NAV2: variants seen among roughly 807,000 people sequenced by gnomAD.
NAV2 encodes the protein helicase, APC down-regulated 1.
Under a neutral mutation model 223.2 loss-of-function variants are expected in NAV2, and 54 were observed. The observed-to-expected ratio is 0.24, with a 90% CI of 0.19 to 0.30. The LOEUF is 0.30. Among genes scored for constraint, NAV2 ranks in the 10% least tolerant of loss-of-function variants. The pLI is 1.00. For missense variants in NAV2, 2,806 were observed against 3,147.5 expected (o/e 0.89, Z 2.60); for synonymous variants, 1,279 against 1,239.3 (o/e 1.03, Z -0.67).
chr11:19,559,379 C>T (rs139094505), intron 1 of NAV2, among the ~76,000 whole-genome samples: 225 of 152,274 alleles, frequency 1.5e-3, no homozygotes, highest in African/African-American at 5.3e-3. Flanking sequence ...ATTTAACCCC[C>T]GAGCCTTGTT....
intron 11 of NAV2, among the ~76,000 whole-genome samples, chr11:20,011,865 C>T (rs1252538372): frequency 1.3e-5 from 2 of 152,242 alleles, no homozygotes; most frequent in African/African-American, 4.8e-5. Context: ...GGGTATTTCA[C>T]TTCTTTTGTT....
intron 2 of NAV2, among the ~76,000 whole-genome samples, chr11:19,838,433 C>G (rs907812208): frequency 1.3e-5 from 2 of 152,164 alleles, no homozygotes; most frequent in Middle Eastern, 3.4e-3. Context: ...GCATTCCCAG[C>G]AGAGAAAATA....
At chr11:19,577,359 C>T (rs1460144023) in intron 1 of NAV2, among the ~76,000 whole-genome samples, 3 of 152,238 alleles carry the variant, frequency 2.0e-5, no homozygotes, top group African/African-American at 7.2e-5. Context: ...CCTGTTGGCT[C>T]GTGCCCCTTC....
chr11:19,402,464 C>G (rs1432600453), intron 1 of NAV2, among the ~76,000 whole-genome samples: 2 of 152,156 alleles, frequency 1.3e-5, no homozygotes, highest in Non-Finnish European at 2.9e-5. Flanking sequence ...CTGCTATATG[C>G]TTTTGTAGCT....
chr11:19,593,267 G>A, intron 1 of NAV2, among the ~76,000 whole-genome samples: 1 of 152,060 alleles, frequency 6.6e-6, no homozygotes, highest in Non-Finnish European at 1.5e-5. Context: ...TTTAAGCTTG[G>A]CTTTTGTTTT....
chr11:19,622,384 G>A (rs1042922277), intron 1 of NAV2, among the ~76,000 whole-genome samples: 1 of 152,096 alleles, frequency 6.6e-6, no homozygotes, highest in Non-Finnish European at 1.5e-5. Context: ...TTATTGTGTG[G>A]GAGTCTAAGT....
rs190321471 is a variant in NAV2, at chr11:19,901,310, G to A, written c.931+8716G>A. ...GCCTGTAATCCCAGCACTTTGGGAG[G>A]CTGAGGCAGGAGGATTACTTGAGGT... On this transcript the variant is annotated intron_variant, in intron 6 of 37. Coordinates refer to ENST00000349880, the MANE Select transcript of NAV2 (RefSeq NM_145117.5). Among the ~76,000 whole-genome samples the A allele has an allele frequency of 4.9e-4, 74 of 152,350 alleles. 1 individual carries two copies. The East Asian group carries it at 8.1e-3, about 17-fold the overall frequency.
chr11:19,382,409 G>T (rs1044985301), intron 1 of NAV2, among the ~76,000 whole-genome samples: 1 of 152,174 alleles, frequency 6.6e-6, no homozygotes. Flanking sequence ...GTGCCGACTG[G>T]CAAACCTTGA....
At chr11:19,941,725 C>G (rs563563699) in intron 8 of NAV2, among the ~76,000 whole-genome samples, 27 of 152,098 alleles carry the variant, frequency 1.8e-4, no homozygotes, top group Non-Finnish European at 3.5e-4. Context: ...ACTGAGGACT[C>G]ATCTTTCAGC....
intron 1 of NAV2, among the ~76,000 whole-genome samples, chr11:19,556,645 C>T (rs756571688): frequency 6.6e-6 from 1 of 152,134 alleles, no homozygotes; most frequent in Non-Finnish European, 1.5e-5. Flanking sequence ...AATATATGTG[C>T]TTCTTTTTAA....
At chr11:19,982,976 A>G (rs1053952495) in intron 10 of NAV2, among the ~76,000 whole-genome samples, 4 of 152,204 alleles carry the variant, frequency 2.6e-5, no homozygotes, top group African/African-American at 9.6e-5. Flanking sequence ...CAGAAAAATA[A>G]TGACTCATTG....
At chr11:19,814,941 G>A (rs1233501757) in intron 1 of NAV2, among the ~76,000 whole-genome samples, 1 of 152,098 alleles carries the variant, frequency 6.6e-6, no homozygotes, top group Non-Finnish European at 1.5e-5. Context: ...AGGTGGCTTG[G>A]CAGGTGCTTA....
chr11:19,785,536 G>A (rs966679114), intron 1 of NAV2, among the ~76,000 whole-genome samples: 3 of 152,176 alleles, frequency 2.0e-5, no homozygotes, highest in African/African-American at 7.2e-5. Context: ...AGTATTGAAT[G>A]CCTCCTAGAC....
chr11:20,007,076 C>A (rs1383961804), intron 11 of NAV2, among the ~76,000 whole-genome samples: 3 of 152,132 alleles, frequency 2.0e-5, no homozygotes, highest in African/African-American at 7.2e-5. Flanking sequence ...CCCACCTCAG[C>A]CTCCAGAGTA....
chr11:19,818,002 T>TAGCCTCTTTGCACCCCACAGGC (rs150046907), intron 1 of NAV2, among the ~76,000 whole-genome samples: 3,539 of 152,066 alleles, frequency 0.023, 124 homozygotes, highest in African/African-American at 0.081. Context: ...CCCACCCAGA[T>TAGCCTCTTTGCACCCCACAGGC]AGCCTCTTTG....
intron 11 of NAV2, among the ~76,000 whole-genome samples, chr11:19,989,952 G>A (rs367544418): frequency 1.6e-4 from 24 of 152,232 alleles, no homozygotes; most frequent in African/African-American, 5.8e-4. Context: ...CTCTTCAAAT[G>A]AGCCCTTAGC....
At chr11:19,766,629 A>T (rs1336929250) in intron 1 of NAV2, among the ~76,000 whole-genome samples, 1 of 152,122 alleles carries the variant, frequency 6.6e-6, no homozygotes, top group African/African-American at 2.4e-5. Context: ...TCCTGGATGG[A>T]TCATGGTGTG....
At chr11:19,680,969 T>A (rs7946606) in intron 1 of NAV2, among the ~76,000 whole-genome samples, 18,766 of 152,260 alleles carry the variant, frequency 0.12, 2,353 homozygotes, top group African/African-American at 0.32. Context: ...GCCAACATTT[T>A]TGCAGCACTT....
At chr11:19,618,528 GGA>G (rs2046882104) in intron 1 of NAV2, among the ~76,000 whole-genome samples, 2 of 151,946 alleles carry the variant, frequency 1.3e-5, no homozygotes, top group East Asian at 3.9e-4. Flanking sequence ...ATGGATGGAT[GGA>G]TGGATGGATG....
Sources: allele counts gnomAD v4.1 joint callset (sites outside exome capture counted in the v4.1 genomes callset), GRCh38; gene constraint gnomAD v4.1.1; transcripts MANE v1.5; gene names NCBI Gene and HGNC (gene_info 2026-07-23, HGNC 2026-07-21).